Variants in CFH observed in about 807,000 individuals in gnomAD.
The protein encoded by CFH is complement factor H.
In CFH, 53 loss-of-function variants were observed where a neutral mutation model predicts 147.3. The observed-to-expected ratio is 0.36, with a 90% confidence interval of 0.29 to 0.45. The LOEUF (loss-of-function observed/expected upper bound fraction) is 0.45. CFH is among the 20% of genes least tolerant of loss of function. The probability of loss-of-function intolerance (pLI) is 1.00; values close to 1 mark genes in which losing one functional copy is unlikely to be tolerated. For missense variants in CFH, 1,380 were observed against 1,498.0 expected, an observed-to-expected ratio of 0.92 and a Z score of 1.30; for synonymous variants, 536 against 489.4, an observed-to-expected ratio of 1.10 and a Z score of -1.26.
chr1:196,684,884 A>C (rs1302468005), intron 6 of CFH, among the ~76,000 whole-genome samples, 180 bp from the exon 7 acceptor site: 4 of 152,042 alleles, frequency 2.6e-5, no homozygotes, highest in Non-Finnish European at 4.4e-5. Context: ...TCAGATGAGA[A>C]TATAGTGAAG....
intron 1 of CFH, among the ~76,000 whole-genome samples, chr1:196,661,578 A>G (rs1409767173): frequency 2.0e-5 from 3 of 152,192 alleles, no homozygotes; most frequent in Non-Finnish European, 2.9e-5. Flanking sequence ...TGCCTCTTCT[A>G]TAAAGGCACA....
At chr1:196,695,458 C>A (rs1351742137) in intron 9 of CFH, among the ~76,000 whole-genome samples, 2 of 152,016 alleles carry the variant, frequency 1.3e-5, no homozygotes, top group Non-Finnish European at 2.9e-5. Flanking sequence ...CAGCTTTGTG[C>A]TTTTTGATTA....
intron 9 of CFH, among the ~76,000 whole-genome samples, chr1:196,710,250 G>A (rs1668694464): frequency 6.6e-6 from 1 of 152,130 alleles, no homozygotes; most frequent in South Asian, 2.1e-4. Context: ...TCTGGGGCTT[G>A]AGAATCCTCC....
intron 5 of CFH, chr1:196,679,188 A>T (rs931152303): frequency 6.4e-6 from 1 of 155,900 alleles, no homozygotes; most frequent in Non-Finnish European, 1.4e-5. Flanking sequence ...ACACAAAAAC[A>T]GGTCAGTTAC....
intron 11 of CFH, among the ~76,000 whole-genome samples, chr1:196,723,752 T>C (rs963679567): frequency 3.9e-5 from 6 of 152,002 alleles, no homozygotes; most frequent in African/African-American, 1.2e-4. Flanking sequence ...GACAGGGGTG[T>C]CAGGGGAAGA....
At chr1:196,687,232 T>C (rs1213863176) in intron 7 of CFH, among the ~76,000 whole-genome samples, 1 of 152,078 alleles carries the variant, frequency 6.6e-6, no homozygotes, top group Non-Finnish European at 1.5e-5. Flanking sequence ...GGAAACACCA[T>C]AAATGCTGTG....
chr1:196,692,744 CTTTTTCTTTCTTTCTT>C lies in CFH; in HGVS notation c.1336+2507_1336+2522del, dbSNP rs1277630357. On this transcript the variant is annotated intron_variant, in intron 9 of 21. Coordinates refer to ENST00000367429, the MANE Select transcript of CFH (RefSeq NM_000186.4). Reference sequence around the variant, plus strand: ...TCTTTCTTTCTCTTTCCCTTCCTTTCTTTTTCTTTCTTTCTTTCTTTCTTTCTTTCTTTCTTTCTTT... The same window carrying C: ...TCTTTCTTTCTCTTTCCCTTCCTTTCTCTTTCTTTCTTTCTTTCTTTCTTT... Among the ~76,000 whole-genome samples, 98 of 131,544 alleles carry C rather than the reference CTTTTTCTTTCTTTCTT, an allele frequency of 7.4e-4. 6 individuals carry two copies. The highest frequency in any genetic ancestry group is 1.3e-3 in the Non-Finnish European group (80 of 61,624). 86.3% of individuals were successfully genotyped at this position (131,544 alleles called of 152,430 possible).
intron 7 of CFH, among the ~76,000 whole-genome samples, chr1:196,688,874 G>T (rs1027430023): frequency 1.3e-5 from 2 of 152,100 alleles, no homozygotes; most frequent in African/African-American, 4.8e-5. Context: ...GCCTTCCAAA[G>T]TGCTGGGATT....
intron 8 of CFH, among the ~76,000 whole-genome samples, 186 bp downstream of exon 8, chr1:196,689,800 A>T (rs549355918): frequency 1.3e-5 from 2 of 152,158 alleles, no homozygotes; most frequent in Non-Finnish European, 2.9e-5. Context: ...TCACAGGAGA[A>T]ATAAATATAG....
intron 1 of CFH, among the ~76,000 whole-genome samples, chr1:196,669,008 C>T (rs1461632985): frequency 6.6e-6 from 1 of 152,132 alleles, no homozygotes; most frequent in Non-Finnish European, 1.5e-5. Context: ...TTGTTGAATG[C>T]TTTAGACCAA....
chr1:196,738,838 T>G (rs986373764), intron 17 of CFH, among the ~76,000 whole-genome samples: 2 of 152,364 alleles, frequency 1.3e-5, no homozygotes, highest in East Asian at 3.9e-4. Flanking sequence ...GTGAGGGCTC[T>G]GACCCCACAT....
At chr1:196,719,488 G>A (rs1668947649) in intron 11 of CFH, among the ~76,000 whole-genome samples, 1 of 151,766 alleles carries the variant, frequency 6.6e-6, no homozygotes, top group African/African-American at 2.4e-5. Context: ...GCAAATTTTT[G>A]TAGTTATTAT....
Position 196,718,814 on chromosome 1 carries a change from T to C in CFH, c.1696+3045T>C, listed in dbSNP as rs1013285293. On this transcript the variant is annotated intron_variant, in intron 11 of 21. Transcript: ENST00000367429. ...GCTGATGTAGAAAATGTCTTTCTAT[T>C]GCAAATTGTACAAAGACTTAGGATC... 2.6e-5 allele frequency among the ~76,000 whole-genome samples: 4 copies of C among 152,092 alleles called. No homozygotes were observed. The South Asian group carries it at 8.3e-4, about 31-fold the overall frequency.
intron 21 of CFH, among the ~76,000 whole-genome samples, chr1:196,746,262 C>T (rs1182591883): frequency 3.9e-5 from 6 of 151,998 alleles, no homozygotes; most frequent in Admixed American, 2.0e-4. Context: ...CTGGCTAACA[C>T]GGTGAAACCC....
At chr1:196,712,102 G>A (rs1668735557) in intron 9 of CFH, among the ~76,000 whole-genome samples, 1 of 152,060 alleles carries the variant, frequency 6.6e-6, no homozygotes, top group Admixed American at 6.6e-5. Context: ...TCACTTTGAT[G>A]ATGGAACTCA....
chr1:196,664,438 T>G (rs1314159062), intron 1 of CFH, among the ~76,000 whole-genome samples: 5 of 152,200 alleles, frequency 3.3e-5, no homozygotes, highest in African/African-American at 1.2e-4. Context: ...TCAAATTTTT[T>G]GTGAAATAGC....
intron 9 of CFH, among the ~76,000 whole-genome samples, chr1:196,705,601 A>G (rs986887478): frequency 6.6e-6 from 1 of 152,182 alleles, no homozygotes; most frequent in African/African-American, 2.4e-5. Flanking sequence ...GAGAGAAGGG[A>G]TGGGTTTAGG....
intron 9 of CFH, among the ~76,000 whole-genome samples, chr1:196,702,458 C>T (rs1558168259): frequency 6.6e-6 from 1 of 150,606 alleles, no homozygotes; most frequent in Non-Finnish European, 1.5e-5. Flanking sequence ...TTCCAACCTA[C>T]TTAATTAGAA....
intron 9 of CFH, chr1:196,701,339 A>G (rs1049540680): frequency 3.1e-6 from 5 of 1,613,546 alleles, no homozygotes; most frequent in Non-Finnish European, 2.5e-6. Flanking sequence ...TGAACTTCTG[A>G]TCGAAGGTCA....
Sources: allele counts gnomAD v4.1 joint callset (sites outside exome capture counted in the v4.1 genomes callset), GRCh38; gene constraint gnomAD v4.1.1; transcripts MANE v1.5; gene names NCBI Gene and HGNC (gene_info 2026-07-23, HGNC 2026-07-21).